LRRC4B: variants seen among roughly 807,000 people sequenced by gnomAD.
LRRC4B encodes leucine-rich repeat-containing protein 4B.
LRRC4B carries 1 observed loss-of-function variant against 7.3 expected under a neutral mutation model. The ratio of observed to expected loss-of-function variants is 0.14; its 90% CI spans 0.05 to 0.65. LRRC4B has a LOEUF of 0.65. Ranked by LOEUF, LRRC4B falls within the 30% of genes least tolerant of loss-of-function variation. The pLI is 0.84. For synonymous variants in LRRC4B, 500 were observed against 499.2 expected (o/e 1.00, Z -0.02); for missense variants, 730 against 1,041.6 (o/e 0.70, Z 4.12).
chr19:50,521,958 T>A (rs1980600605), intron 2 of LRRC4B, among the ~76,000 whole-genome samples: 3 of 152,146 alleles, frequency 2.0e-5, no homozygotes, highest in Non-Finnish European at 4.4e-5. Context: ...GGAGGATCAC[T>A]TGAGCTCGGG....
Position 50,544,462 on chromosome 19 carries a change from A to G in LRRC4B, c.297+4080T>C, listed in dbSNP as rs911867235. Reference sequence around the variant, plus strand: ...GCGGAGCTTGCAGTGAGCCGAGATCACGCCACTGCACTCCAGCCTGGGCGA... The same window carrying G: ...GCGGAGCTTGCAGTGAGCCGAGATCGCGCCACTGCACTCCAGCCTGGGCGA... On this transcript the variant is annotated intron_variant, in intron 2 of 2. Coordinates refer to ENST00000652263, the MANE Select transcript of LRRC4B (RefSeq NM_001080457.2). Among the ~76,000 whole-genome samples, 582 of 151,310 alleles carry G rather than the reference A, an allele frequency of 3.8e-3. 2 individuals are homozygous for G. Among genetic ancestry groups the G allele is most frequent in the Non-Finnish European group, 7.3e-3 (496 of 67,732 alleles).
chr19:50,529,192 C>G (rs1271664978), intron 2 of LRRC4B, among the ~76,000 whole-genome samples: 1 of 152,152 alleles, frequency 6.6e-6, no homozygotes, highest in Non-Finnish European at 1.5e-5. Flanking sequence ...AAAAAACACT[C>G]TCTCATATCA....
chr19:50,519,233 C>T lies in LRRC4B; in HGVS notation c.480G>A (p.Leu160=). 1 of 1,614,126 alleles carries T rather than the reference C, an allele frequency of 6.2e-7. No individual in the cohort carries two copies. Among genetic ancestry groups the T allele is most frequent in the Non-Finnish European group, 8.5e-7 (1 of 1,180,036 alleles). The change falls in exon 3 of 3, where the codon CTG becomes CTA. Residue 160 remains leucine, a synonymous_variant. Transcript: ENST00000652263. The surrounding 1 kb of genome is among the most constrained non-coding windows in gnomAD (Gnocchi z 8.1). ...PTQAFEYLSK[L]RELWLRNNPI... ...GGTTGTTCCGCAGCCAGAGCTCCCGCAGCTTGGACAGGTACTCGAAGGCCT... is the reference window on the plus strand; with the variant it reads ...GGTTGTTCCGCAGCCAGAGCTCCCGTAGCTTGGACAGGTACTCGAAGGCCT...
chr19:50,530,351 A>C (rs1981002756), intron 2 of LRRC4B, among the ~76,000 whole-genome samples: 1 of 151,280 alleles, frequency 6.6e-6, no homozygotes, highest in Non-Finnish European at 1.5e-5. Context: ...ATGGCCCCTC[A>C]CTCGCAGCCC....
intron 2 of LRRC4B, among the ~76,000 whole-genome samples, chr19:50,541,235 T>C (rs1599773462): frequency 7.5e-6 from 1 of 134,028 alleles, no homozygotes; most frequent in South Asian, 2.5e-4. Context: ...CACAGTGGGG[T>C]GTGCCTGTAA....
intron 2 of LRRC4B, among the ~76,000 whole-genome samples, chr19:50,532,341 A>G (rs1235088923): frequency 1.3e-5 from 2 of 152,162 alleles, no homozygotes; most frequent in Non-Finnish European, 2.9e-5. Flanking sequence ...TGTCAGAATG[A>G]CCGGAAATGC....
intron 1 of LRRC4B, among the ~76,000 whole-genome samples, chr19:50,558,228 T>TAC (rs879380503): frequency 3.9e-5 from 3 of 76,710 alleles, no homozygotes; most frequent in Admixed American, 1.3e-4. Flanking sequence ...CACACACACA[T>TAC]ACACACACAC....
chr19:50,544,303 A>G (rs77902450), intron 2 of LRRC4B, among the ~76,000 whole-genome samples: 1,878 of 151,948 alleles, frequency 0.012, 39 homozygotes, highest in African/African-American at 0.042. Context: ...TCAGGAGATC[A>G]AGACCATCCT....
chr19:50,531,583 A>G (rs541370923), intron 2 of LRRC4B, among the ~76,000 whole-genome samples: 3 of 152,306 alleles, frequency 2.0e-5, no homozygotes, highest in Admixed American at 1.3e-4. Flanking sequence ...TTTTGTTGAA[A>G]CATGTGGCAT....
intron 1 of LRRC4B, among the ~76,000 whole-genome samples, chr19:50,557,264 G>A (rs924768740): frequency 1.3e-5 from 2 of 152,226 alleles, no homozygotes; most frequent in Non-Finnish European, 2.9e-5. Context: ...AGAAGAGGAT[G>A]TGGGGCGGGA....
chr19:50,518,421 G>A lies in LRRC4B; in HGVS notation c.1292C>T (p.Thr431Met). The A allele has an allele frequency of 6.4e-7, 1 of 1,564,936 alleles. No homozygotes were observed. The highest frequency in any genetic ancestry group is 8.6e-7 in the Non-Finnish European group (1 of 1,157,964). The change falls in exon 3 of 3, where the codon ACG becomes ATG. Residue 431 changes from threonine (T) to methionine (M), a missense_variant. This residue lies in a region of LRRC4B where 192 missense variants were observed against 228.6 expected (regional missense o/e 0.84). Coordinates refer to ENST00000652263, the MANE Select transcript of LRRC4B (RefSeq NM_001080457.2). ...LNFTNVTVQD[T>M]GQYTCMVTNS... ...CGTCACCATGCACGTGTACTGGCCC[G>A]TGTCCTGCACGGTGACGTTGGTGAA...
intron 2 of LRRC4B, among the ~76,000 whole-genome samples, chr19:50,541,365 T>A (rs1190740588): frequency 1.2e-5 from 1 of 84,570 alleles, no homozygotes; most frequent in Non-Finnish European, 2.1e-5. Flanking sequence ...CAAGACTCTA[T>A]CTCAAAAAAA....
chr19:50,527,357 T>G (rs543878509), intron 2 of LRRC4B, among the ~76,000 whole-genome samples: 1 of 150,130 alleles, frequency 6.7e-6, no homozygotes, highest in East Asian at 1.9e-4. Flanking sequence ...TCTTTTTTTT[T>G]TTTTTTTTTT....
At chr19:50,545,973 C>T (rs745425480) in intron 2 of LRRC4B, among the ~76,000 whole-genome samples, 6 of 151,856 alleles carry the variant, frequency 4.0e-5, no homozygotes, top group East Asian at 2.0e-4. Context: ...ATCCACCTGC[C>T]TCAGTCTCCC....
intron 2 of LRRC4B, among the ~76,000 whole-genome samples, chr19:50,533,997 G>A (rs1981161579): frequency 6.6e-6 from 1 of 152,160 alleles, no homozygotes; most frequent in Non-Finnish European, 1.5e-5. Flanking sequence ...GCTTCACAAT[G>A]CTTTTTGAGC....
chr19:50,539,886 CA>C (rs79472746), intron 2 of LRRC4B, among the ~76,000 whole-genome samples: 12,431 of 97,216 alleles, frequency 0.13, 1,461 homozygotes, highest in African/African-American at 0.33. Context: ...GACTCCATCT[CA>C]AAAAAAAAAA....
At chr19:50,526,222 C>G (rs1599762705) in intron 2 of LRRC4B, among the ~76,000 whole-genome samples, 1 of 152,106 alleles carries the variant, frequency 6.6e-6, no homozygotes, top group Non-Finnish European at 1.5e-5. Flanking sequence ...CGCCTGGCAC[C>G]ACCTTCTCCT....
At chr19:50,559,182 C>T (rs956302489) in intron 1 of LRRC4B, among the ~76,000 whole-genome samples, 1 of 151,552 alleles carries the variant, frequency 6.6e-6, no homozygotes, top group African/African-American at 2.4e-5. Context: ...CGCCTGTAAT[C>T]CCAGCACTTT....
At chr19:50,529,664 G>A (rs1419868090) in intron 2 of LRRC4B, among the ~76,000 whole-genome samples, 1 of 152,090 alleles carries the variant, frequency 6.6e-6, no homozygotes, top group African/African-American at 2.4e-5. Flanking sequence ...AATTAGCTGG[G>A]CGTGATGATG....
Sources: gnomAD v4.1 joint callset for allele counts (sites outside exome capture counted in the v4.1 genomes callset) on GRCh38, gnomAD v4.1.1 for gene constraint, gnomAD v4.1.1 regional missense constraint, Gnocchi (gnomAD v3.1) non-coding constraint, MANE v1.5 for transcripts, NCBI Gene and HGNC (gene_info 2026-07-23, HGNC 2026-07-21) for gene names.